GRIK3: variants seen among roughly 807,000 people sequenced by gnomAD.
GRIK3 encodes glutamate ionotropic receptor kainate type subunit 3, also known as glutamate receptor ionotropic, kainate 3.
Under a neutral mutation model 102.5 loss-of-function variants are expected in GRIK3, and 29 were observed. The observed-to-expected ratio is 0.28, with a 90% CI of 0.21 to 0.39. The LOEUF (loss-of-function observed/expected upper bound fraction) is 0.39. GRIK3 is among the 10% of genes least tolerant of loss of function. GRIK3 has a pLI of 1.00. For synonymous variants in GRIK3, 511 were observed against 504.9 expected (o/e 1.01, Z -0.16); for missense variants, 908 against 1,252.4 (o/e 0.73, Z 4.15).
intron 1 of GRIK3, among the ~76,000 whole-genome samples, chr1:36,950,515 C>T (rs1331465318): frequency 2.0e-5 from 3 of 152,292 alleles, no homozygotes; most frequent in Middle Eastern, 3.4e-3. Context: ...TTCCACACTC[C>T]CAGACAAATC....
chr1:36,931,659 A>G (rs1332170701), intron 1 of GRIK3, among the ~76,000 whole-genome samples: 1 of 152,178 alleles, frequency 6.6e-6, no homozygotes, highest in Non-Finnish European at 1.5e-5. Flanking sequence ...TCTTTGCCAT[A>G]TGCCTGAGAG....
intron 5 of GRIK3, among the ~76,000 whole-genome samples, chr1:36,866,833 A>G (rs1640789762): frequency 6.6e-6 from 1 of 152,248 alleles, no homozygotes; most frequent in South Asian, 2.1e-4. Context: ...ATTGCATTGC[A>G]GTCATCCATC....
At chr1:36,956,110 G>A (rs1641903096) in intron 1 of GRIK3, among the ~76,000 whole-genome samples, 1 of 152,240 alleles carries the variant, frequency 6.6e-6, no homozygotes, top group Non-Finnish European at 1.5e-5. Context: ...CGGCCTGGGG[G>A]ACGGCAGGCC....
At chr1:36,893,709 ACAACAGTAGG>A (rs1274514206) in intron 1 of GRIK3, among the ~76,000 whole-genome samples, 1 of 152,246 alleles carries the variant, frequency 6.6e-6, no homozygotes, top group African/African-American at 2.4e-5. Flanking sequence ...GACTCTAACA[ACAACAGTAGG>A]CATATGGATC....
rs2124171948 is a variant in GRIK3, at chr1:36,800,953, A to C, written c.*898T>G. ...ACAGCTTGCTAACCAGGAAAGTGAG[A>C]TCCATTGGCACAAGAGCCGGTGGGA... On this transcript the variant is annotated 3_prime_UTR_variant, in exon 16 of 16. Transcript: ENST00000373091. The C allele has an allele frequency of 6.6e-6, 1 of 152,326 alleles. No homozygotes were observed. The highest frequency in any genetic ancestry group is 2.1e-4 in the South Asian group (1 of 4,824). The allele number at this position is 152,326 out of a possible 1,614,324, so 9.4% of individuals were successfully genotyped here.
At chr1:36,837,284 T>A (rs1380366425) in intron 10 of GRIK3, among the ~76,000 whole-genome samples, 3 of 152,062 alleles carry the variant, frequency 2.0e-5, no homozygotes, top group African/African-American at 7.2e-5. Flanking sequence ...TCCCAACACA[T>A]CCCAAATGGA....
At chr1:37,023,726 A>G (rs1569578659) in intron 1 of GRIK3, among the ~76,000 whole-genome samples, 1 of 152,206 alleles carries the variant, frequency 6.6e-6, no homozygotes, top group Non-Finnish European at 1.5e-5. Flanking sequence ...GAATCCCCAA[A>G]AGCTTCACTA....
chr1:36,890,168 G>T (rs187900245), intron 2 of GRIK3, among the ~76,000 whole-genome samples: 2 of 152,072 alleles, frequency 1.3e-5, no homozygotes, highest in South Asian at 4.2e-4. Context: ...CAGCAGAGTG[G>T]CCTCAAAAAT....
chr1:37,033,044 G>T (rs979251640), intron 1 of GRIK3, among the ~76,000 whole-genome samples: 3 of 152,172 alleles, frequency 2.0e-5, no homozygotes, highest in Non-Finnish European at 4.4e-5. Context: ...GCGGGCGCAG[G>T]GCCTGCGGTG....
At chr1:36,962,150 G>A (rs764621312) in intron 1 of GRIK3, among the ~76,000 whole-genome samples, 94 of 152,312 alleles carry the variant, frequency 6.2e-4, no homozygotes, top group Non-Finnish European at 9.8e-4. Flanking sequence ...ACATCACGAG[G>A]CATGGCTTCT....
chr1:36,952,798 G>T (rs868502813), intron 1 of GRIK3, among the ~76,000 whole-genome samples: 1 of 152,348 alleles, frequency 6.6e-6, no homozygotes, highest in Admixed American at 6.5e-5. Context: ...AATACTGGGT[G>T]TTGGGGGGTC....
chr1:36,805,301 C>A, intron 14 of GRIK3, 64 bp from the exon 15 acceptor site: 1 of 1,531,884 alleles, frequency 6.5e-7, no homozygotes, highest in African/African-American at 1.4e-5. Flanking sequence ...TTTGGCTCTG[C>A]CAACACCCTG....
At chr1:36,982,946 G>A (rs965336010) in intron 1 of GRIK3, among the ~76,000 whole-genome samples, 5 of 152,170 alleles carry the variant, frequency 3.3e-5, no homozygotes, top group Non-Finnish European at 5.9e-5. Context: ...TCATCTCCGC[G>A]GACAATTAAA....
rs1449916690 is a variant in GRIK3, at chr1:36,796,106, G to T, written c.*5745C>A. 6.6e-6 allele frequency: 1 copy of T among 152,348 alleles called. No homozygotes were observed. Among genetic ancestry groups the T allele is most frequent in the Non-Finnish European group, 1.5e-5 (1 of 68,136 alleles). The allele number at this position is 152,348 out of a possible 1,614,324, so 9.4% of individuals were successfully genotyped here. A position where few individuals can be genotyped will look rare whatever the true frequency, so the allele number is the denominator to read the frequency against. ...AGAGTTCAGTGCAGACCAGCCTGACGCCTGAGGCTGAAGCTGGGGCAGGCT... is the reference window on the plus strand; with the variant it reads ...AGAGTTCAGTGCAGACCAGCCTGACTCCTGAGGCTGAAGCTGGGGCAGGCT... On this transcript the variant is annotated 3_prime_UTR_variant, in exon 16 of 16. Coordinates refer to ENST00000373091, the MANE Select transcript of GRIK3 (RefSeq NM_000831.4).
At chr1:36,954,563 G>A (rs1641881728) in intron 1 of GRIK3, among the ~76,000 whole-genome samples, 1 of 152,208 alleles carries the variant, frequency 6.6e-6, no homozygotes, top group Non-Finnish European at 1.5e-5. Flanking sequence ...GACTCTTGGG[G>A]TGGGGACGGG....
intron 1 of GRIK3, among the ~76,000 whole-genome samples, chr1:36,899,490 A>G (rs965263699): frequency 3.9e-5 from 6 of 152,184 alleles, no homozygotes; most frequent in African/African-American, 1.4e-4. Flanking sequence ...GAATCAAAAA[A>G]TAGAAAGGAG....
intron 1 of GRIK3, among the ~76,000 whole-genome samples, chr1:37,014,505 G>C (rs1178256209): frequency 1.3e-5 from 2 of 152,230 alleles, no homozygotes; most frequent in Non-Finnish European, 2.9e-5. Flanking sequence ...CCTGAATGGA[G>C]TAATGAGGTC....
intron 1 of GRIK3, among the ~76,000 whole-genome samples, chr1:36,944,970 T>TG (rs1262117438): frequency 6.6e-6 from 1 of 152,230 alleles, no homozygotes; most frequent in Non-Finnish European, 1.5e-5. Flanking sequence ...GGCCAGCTGC[T>TG]GAGCCTGGTG....
rs575843864 is a variant in GRIK3, at chr1:36,966,810, C to A, written c.115+67184G>T. 5.9e-5 allele frequency among the ~76,000 whole-genome samples: 9 copies of A among 152,208 alleles called. No individual in the cohort carries two copies. The South Asian group carries it at 1.9e-3, about 32-fold the overall frequency. ...TTCTCATACTCATATGGATTCTGATCTTCAGGCTTAGATCCTGAGAAGAAA... is the reference window on the plus strand; with the variant it reads ...TTCTCATACTCATATGGATTCTGATATTCAGGCTTAGATCCTGAGAAGAAA... On this transcript the variant is annotated intron_variant, in intron 1 of 15. Coordinates refer to ENST00000373091, the MANE Select transcript of GRIK3 (RefSeq NM_000831.4).
Sources: allele counts gnomAD v4.1 joint callset (sites outside exome capture counted in the v4.1 genomes callset), GRCh38; gene constraint gnomAD v4.1.1; transcripts MANE v1.5; gene names NCBI Gene and HGNC (gene_info 2026-07-23, HGNC 2026-07-21).